KCNH7: variants seen among roughly 807,000 people sequenced by gnomAD.
KCNH7 encodes the protein voltage-gated inwardly rectifying potassium channel KCNH7.
A neutral mutation model predicts 120.8 loss-of-function variants in KCNH7; 49 were observed. The observed-to-expected ratio is 0.41, with a 90% CI of 0.32 to 0.51. The LOEUF is 0.51. Among genes scored for constraint, KCNH7 ranks in the 20% least tolerant of loss-of-function variants. The probability of loss-of-function intolerance (pLI) is 0.38; values close to 1 mark genes in which losing one functional copy is unlikely to be tolerated. For synonymous variants in KCNH7, 547 were observed against 516.1 expected, an observed-to-expected ratio of 1.06 and a Z score of -0.81; for missense variants, 1,097 against 1,446.6, an observed-to-expected ratio of 0.76 and a Z score of 3.92.
At chr2:162,660,967 C>A (rs1313855607) in intron 2 of KCNH7, among the ~76,000 whole-genome samples, 1 of 152,146 alleles carries the variant, frequency 6.6e-6, no homozygotes, top group African/African-American at 2.4e-5. Context: ...ACAACAAGTT[C>A]TGTACAATAA....
chr2:162,659,909 G>C (rs1311368162), intron 2 of KCNH7, among the ~76,000 whole-genome samples: 7 of 152,004 alleles, frequency 4.6e-5, no homozygotes, highest in Non-Finnish European at 1.0e-4. Flanking sequence ...AACTCATCTA[G>C]GCCAGGTATT....
intron 6 of KCNH7, among the ~76,000 whole-genome samples, chr2:162,490,655 C>T (rs1000092270): frequency 2.0e-4 from 31 of 152,240 alleles, no homozygotes; most frequent in Non-Finnish European, 3.5e-4. Flanking sequence ...GAATAAATGG[C>T]GCAGCTACAG....
intron 2 of KCNH7, among the ~76,000 whole-genome samples, chr2:162,634,376 A>G (rs936598317): frequency 3.3e-5 from 5 of 152,044 alleles, no homozygotes; most frequent in Non-Finnish European, 7.4e-5. Context: ...AGCAGCTAGG[A>G]TGACGTATTG....
intron 2 of KCNH7, among the ~76,000 whole-genome samples, chr2:162,749,148 C>A (rs1022089751): frequency 8.6e-5 from 13 of 151,398 alleles, no homozygotes; most frequent in Non-Finnish European, 1.8e-4. Context: ...GCCTCCCCTC[C>A]CCTCCCCTCC....
chr2:162,816,045 G>C (rs1383858162), intron 2 of KCNH7, among the ~76,000 whole-genome samples: 2 of 152,046 alleles, frequency 1.3e-5, no homozygotes, highest in East Asian at 3.9e-4. Context: ...GATCACCTGA[G>C]GTCGGGAGTT....
intron 9 of KCNH7, among the ~76,000 whole-genome samples, chr2:162,419,274 TAA>T (rs758417385): frequency 4.5e-4 from 28 of 61,874 alleles, no homozygotes; most frequent in African/African-American, 5.3e-4. Context: ...TGTCCCAGGC[TAA>T]AAAAAAAAAA....
At chr2:162,564,047 C>A (rs1330183175) in intron 2 of KCNH7, among the ~76,000 whole-genome samples, 1 of 152,088 alleles carries the variant, frequency 6.6e-6, no homozygotes, top group South Asian at 2.1e-4. Flanking sequence ...TTCTTTCAAA[C>A]CTTAAAATAT....
intron 2 of KCNH7, among the ~76,000 whole-genome samples, chr2:162,576,278 A>T (rs1417370386): frequency 6.6e-6 from 1 of 152,076 alleles, no homozygotes; most frequent in Non-Finnish European, 1.5e-5. Context: ...GATTCAAAAG[A>T]CAAGAATAAT....
At chr2:162,387,314 T>C (rs1686602914) in intron 12 of KCNH7, among the ~76,000 whole-genome samples, 1 of 150,890 alleles carries the variant, frequency 6.6e-6, no homozygotes, top group East Asian at 1.9e-4. Context: ...AAATGGAAAC[T>C]GTTCAGGCTT....
intron 9 of KCNH7, among the ~76,000 whole-genome samples, chr2:162,400,945 G>A (rs558924367): frequency 1.4e-4 from 22 of 152,036 alleles, no homozygotes; most frequent in African/African-American, 5.3e-4. Flanking sequence ...ATGTAACAGA[G>A]TGTGCTATTA....
intron 2 of KCNH7, among the ~76,000 whole-genome samples, chr2:162,713,374 A>G (rs900897456): frequency 6.6e-6 from 1 of 152,192 alleles, no homozygotes; most frequent in African/African-American, 2.4e-5. Flanking sequence ...GCTTGTACCT[A>G]TGGCCAAAAT....
intron 2 of KCNH7, among the ~76,000 whole-genome samples, chr2:162,571,014 C>T (rs1000090187): frequency 1.3e-5 from 2 of 151,964 alleles, no homozygotes; most frequent in African/African-American, 4.8e-5. Context: ...CTCATCACTC[C>T]TATTCAACAT....
intron 6 of KCNH7, among the ~76,000 whole-genome samples, chr2:162,479,673 ATG>A (rs71009359): frequency 0.013 from 1,929 of 144,798 alleles, 30 homozygotes; most frequent in Middle Eastern, 0.042. Context: ...GTGTGTGTGC[ATG>A]TGTGTGTGTG....
At chr2:162,436,089 T>C (rs1333495593) in intron 7 of KCNH7, among the ~76,000 whole-genome samples, 1 of 152,034 alleles carries the variant, frequency 6.6e-6, no homozygotes, top group African/African-American at 2.4e-5. Context: ...AACAAATAAT[T>C]AATTTCAGAG....
At chr2:162,736,122 G>A (rs1347655967) in intron 2 of KCNH7, among the ~76,000 whole-genome samples, 1 of 152,122 alleles carries the variant, frequency 6.6e-6, no homozygotes, top group African/African-American at 2.4e-5. Context: ...AGGTGGTGAG[G>A]ACTCAGGACT....
chr2:162,381,119 T>G (rs1686404100), intron 13 of KCNH7, among the ~76,000 whole-genome samples: 1 of 152,096 alleles, frequency 6.6e-6, no homozygotes, highest in Admixed American at 6.6e-5. Flanking sequence ...TTTTCTTCAC[T>G]GGGAGGGCTA....
intron 4 of KCNH7, among the ~76,000 whole-genome samples, chr2:162,513,198 T>C (rs1210178277): frequency 0.023 from 1,581 of 67,792 alleles, 49 homozygotes; most frequent in African/African-American, 0.08. Context: ...CCCTCCCTCC[T>C]TCCCTTCCTC....
chr2:162,822,014 C>A (rs1036924890), intron 2 of KCNH7, among the ~76,000 whole-genome samples: 6 of 151,246 alleles, frequency 4.0e-5, no homozygotes, highest in African/African-American at 1.2e-4. Context: ...TTCAATATAG[C>A]CACACCTAAA....
At chr2:162,376,704 G>A (rs1436616356) in intron 14 of KCNH7, among the ~76,000 whole-genome samples, 1 of 152,002 alleles carries the variant, frequency 6.6e-6, no homozygotes, top group African/African-American at 2.4e-5. Context: ...ATTACTGGGA[G>A]CTTTTTAGAA....
Sources: allele counts gnomAD v4.1 joint callset (sites outside exome capture counted in the v4.1 genomes callset), GRCh38; gene constraint gnomAD v4.1.1; transcripts MANE v1.5; gene names NCBI Gene and HGNC (gene_info 2026-07-23, HGNC 2026-07-21).